HSDL2: variants seen among roughly 807,000 people sequenced by gnomAD.
HSDL2 encodes the protein hydroxysteroid dehydrogenase like 2.
Under a neutral mutation model 46.3 loss-of-function variants are expected in HSDL2, and 27 were observed. That is an observed-to-expected ratio of 0.58 (90% CI 0.43 to 0.80). The LOEUF is 0.80. HSDL2 is among the 30% of genes least tolerant of loss of function. HSDL2 has a pLI of 0.00. For missense variants in HSDL2, 451 were observed against 502.7 expected (o/e 0.90, Z 0.98); for synonymous variants, 153 against 163.6 (o/e 0.94, Z 0.50).
At position 112,394,089 on chromosome 9, in the gene HSDL2, G is replaced by A. The variant is rs183993118; in HGVS notation, c.18-9906G>A. On this transcript the variant is annotated intron_variant, in intron 1 of 10. Transcript: ENST00000398805. ...AAGAATTATCATAATGCCAATTGGA[G>A]TCCCATAAAGGGGGATCGGCGTCAA... Among the ~76,000 whole-genome samples, 4 of 152,342 alleles carry A rather than the reference G, an allele frequency of 2.6e-5. No individual in the cohort carries two copies. The East Asian group carries it at 7.7e-4, about 29-fold the overall frequency.
intron 1 of HSDL2, among the ~76,000 whole-genome samples, chr9:112,400,484 G>A (rs1831565134): frequency 6.6e-6 from 1 of 152,182 alleles, no homozygotes; most frequent in Non-Finnish European, 1.5e-5. Context: ...GCGCATGCCT[G>A]TAGTCCCAGC....
chr9:112,433,634 C>T (rs62570028), intron 6 of HSDL2, among the ~76,000 whole-genome samples: 20,054 of 152,040 alleles, frequency 0.13, 1,774 homozygotes, highest in East Asian at 0.2. Context: ...TTACATTATT[C>T]ATGAGTGAGG....
intron 1 of HSDL2, among the ~76,000 whole-genome samples, chr9:112,385,431 C>T (rs1461939462): frequency 2.6e-5 from 4 of 151,154 alleles, no homozygotes; most frequent in East Asian, 1.9e-4. Flanking sequence ...TGGGTTCAAG[C>T]GATTCTCCTG....
At chr9:112,387,312 T>C (rs1397512559) in intron 1 of HSDL2, among the ~76,000 whole-genome samples, 9 of 151,914 alleles carry the variant, frequency 5.9e-5, no homozygotes, top group African/African-American at 1.9e-4. Context: ...CTCCGTGTCA[T>C]GGGCTCAGGT....
chr9:112,398,274 G>T (rs1171493747), intron 1 of HSDL2, among the ~76,000 whole-genome samples: 4 of 152,072 alleles, frequency 2.6e-5, no homozygotes, highest in Non-Finnish European at 5.9e-5. Flanking sequence ...AATGACAGGA[G>T]AGTGAGGGGC....
chr9:112,400,394 G>T (rs1006740176), intron 1 of HSDL2, among the ~76,000 whole-genome samples: 7 of 152,176 alleles, frequency 4.6e-5, no homozygotes, highest in African/African-American at 1.7e-4. Context: ...AGATCATGAG[G>T]TCAAGAGATC....
At chr9:112,459,859 A>G (rs1236402994) in intron 10 of HSDL2, among the ~76,000 whole-genome samples, 2 of 152,210 alleles carry the variant, frequency 1.3e-5, no homozygotes, top group African/African-American at 2.4e-5. Flanking sequence ...GGGCTTCATC[A>G]TATTAGCTGG....
At chr9:112,417,400 C>A (rs1249668065) in intron 5 of HSDL2, among the ~76,000 whole-genome samples, 1 of 151,188 alleles carries the variant, frequency 6.6e-6, no homozygotes, top group Non-Finnish European at 1.5e-5. Context: ...TCGCTTGAGC[C>A]CAGGAGTTTG....
At position 112,405,531 on chromosome 9, in the gene HSDL2, CAG is replaced by C. The variant is rs367670814; in HGVS notation, c.182-92_182-91del. 143 of 798,950 alleles carry C rather than the reference CAG, an allele frequency of 1.8e-4. No homozygotes were observed. In the African/African-American group the frequency reaches 2.1e-3, roughly 12 times the overall value. 49.5% of individuals were successfully genotyped at this position (798,950 alleles called of 1,614,324 possible). A position where few individuals can be genotyped will look rare whatever the true frequency, so the allele number is the denominator to read the frequency against. Reference sequence around the variant, plus strand: ...GTTATTTATATTGATTTTCTGAAAACAGGGTACTTTTTTCTTTTGACTGTGAT... The same window carrying C: ...GTTATTTATATTGATTTTCTGAAAACGGTACTTTTTTCTTTTGACTGTGAT... On this transcript the variant is annotated intron_variant, in intron 2 of 10. Transcript: ENST00000398805.
At chr9:112,390,519 T>C (rs910039413) in intron 1 of HSDL2, among the ~76,000 whole-genome samples, 4 of 152,136 alleles carry the variant, frequency 2.6e-5, no homozygotes, top group Non-Finnish European at 5.9e-5. Flanking sequence ...AGTGACATGA[T>C]CATGGCTCAC....
intron 6 of HSDL2, among the ~76,000 whole-genome samples, chr9:112,420,552 G>A (rs532481391): frequency 2.8e-4 from 42 of 151,682 alleles, no homozygotes; most frequent in Middle Eastern, 6.3e-3. Context: ...GTGTAGTGGT[G>A]CACACCTATG....
intron 10 of HSDL2, among the ~76,000 whole-genome samples, chr9:112,470,125 T>C (rs1315842225): frequency 6.6e-6 from 1 of 152,228 alleles, no homozygotes; most frequent in Non-Finnish European, 1.5e-5. Flanking sequence ...AGACAGTATT[T>C]GTTTACCAGA....
At chr9:112,401,407 A>ACT (rs2132616952) in intron 1 of HSDL2, among the ~76,000 whole-genome samples, 1 of 139,084 alleles carries the variant, frequency 7.2e-6, no homozygotes, top group African/African-American at 2.6e-5. Context: ...AGTGAGCCAC[A>ACT]CTCCAGACTG....
chr9:112,448,801 C>T (rs888362575), intron 8 of HSDL2, among the ~76,000 whole-genome samples: 21 of 152,018 alleles, frequency 1.4e-4, no homozygotes, highest in Non-Finnish European at 2.5e-4. Flanking sequence ...ATGATCCACC[C>T]GCCTTGGCCT....
chr9:112,380,869 T>G (rs1023946998), intron 1 of HSDL2, among the ~76,000 whole-genome samples: 8 of 152,146 alleles, frequency 5.3e-5, no homozygotes, highest in Admixed American at 4.6e-4. Flanking sequence ...CAACCACCAT[T>G]CTACTTTCTG....
intron 1 of HSDL2, among the ~76,000 whole-genome samples, chr9:112,387,056 A>T (rs1424344944): frequency 2.0e-5 from 3 of 152,264 alleles, no homozygotes; most frequent in Non-Finnish European, 4.4e-5. Context: ...TGAGATAGTT[A>T]TAAAAGTTTG....
In HSDL2 at chr9:112,470,727, T is replaced by C. The variant is rs970384033; in HGVS notation, c.*183T>C. 4 of 469,144 alleles carry C rather than the reference T, an allele frequency of 8.5e-6. No individual in the cohort carries two copies. The highest frequency in any genetic ancestry group is 1.5e-5 in the Non-Finnish European group (4 of 264,928). 29.1% of individuals were successfully genotyped at this position (469,144 alleles called of 1,614,324 possible). A position where few individuals can be genotyped will look rare whatever the true frequency, so the allele number is the denominator to read the frequency against. ...ATTAAAATGGCAAGCTAATCAAACA[T>C]AAGCTTCATTAAGTGGGATTCTAAG... is the stretch of plus-strand genomic sequence containing the variant. On this transcript the variant is annotated 3_prime_UTR_variant, in exon 11 of 11. Coordinates refer to ENST00000398805, the MANE Select transcript of HSDL2 (RefSeq NM_032303.5).
Position 112,405,604 on chromosome 9 carries a change from T to C in HSDL2, c.182-20T>C. ...ATTTAAATGCTTTAACGCTTTTTCATTTTGTATCCTTTATATAAGTTGAAG... is the reference window on the plus strand; with the variant it reads ...ATTTAAATGCTTTAACGCTTTTTCACTTTGTATCCTTTATATAAGTTGAAG... On this transcript the variant is annotated intron_variant, in intron 2 of 10. Coordinates refer to ENST00000398805, the MANE Select transcript of HSDL2 (RefSeq NM_032303.5). The C allele has an allele frequency of 6.5e-7, 1 of 1,532,906 alleles. No homozygotes were observed. The highest frequency in any genetic ancestry group is 8.9e-7 in the Non-Finnish European group (1 of 1,118,202). The allele number at this position is 1,532,906 out of a possible 1,614,324, so 95.0% of individuals were successfully genotyped here.
intron 1 of HSDL2, among the ~76,000 whole-genome samples, chr9:112,399,233 G>A (rs1387269735): frequency 6.6e-6 from 1 of 152,130 alleles, no homozygotes; most frequent in Non-Finnish European, 1.5e-5. Flanking sequence ...CGGTAGGACC[G>A]TGATGCCCAC....
Sources: allele counts gnomAD v4.1 joint callset (sites outside exome capture counted in the v4.1 genomes callset), GRCh38; gene constraint gnomAD v4.1.1; transcripts MANE v1.5; gene names NCBI Gene and HGNC (gene_info 2026-07-23, HGNC 2026-07-21).